SLC6A2: variants seen among roughly 807,000 people sequenced by gnomAD.
SLC6A2 encodes the protein sodium-dependent noradrenaline transporter.
In SLC6A2, 26 loss-of-function variants were observed where a neutral mutation model predicts 71.7. The observed-to-expected ratio is 0.36, with a 90% CI of 0.27 to 0.50. The LOEUF is 0.50. Ranked by LOEUF, SLC6A2 falls within the 20% of genes least tolerant of loss-of-function variation. The pLI is 0.96. For synonymous variants in SLC6A2, 363 were observed against 337.9 expected, an observed-to-expected ratio of 1.07 and a Z score of -0.82; for missense variants, 581 against 803.9, an observed-to-expected ratio of 0.72 and a Z score of 3.35.
chr16:55,658,921 G>A (rs1449392965), intron 2 of SLC6A2, among the ~76,000 whole-genome samples: 1 of 152,188 alleles, frequency 6.6e-6, no homozygotes, highest in Non-Finnish European at 1.5e-5. Flanking sequence ...TTACTGGGCA[G>A]GTTTAAGCAT....
At chr16:55,663,880 G>A (rs1176227118) in intron 2 of SLC6A2, among the ~76,000 whole-genome samples, 1 of 152,038 alleles carries the variant, frequency 6.6e-6, no homozygotes, top group Non-Finnish European at 1.5e-5. Flanking sequence ...TTCTAATTGT[G>A]AGTCATAAAA....
rs1207318458 is a variant in SLC6A2, at chr16:55,656,804, A to G, written c.110A>G (p.Lys37Arg). The change falls in exon 2 of 15, where the codon AAG becomes AGG. Residue 37 changes from lysine (K) to arginine (R), a missense_variant. Lys to Arg is a conservative substitution (Grantham distance 26, BLOSUM62 2). This residue lies in a region of SLC6A2 where 76 missense variants were observed against 79.9 expected (regional missense o/e 0.95). Transcript: ENST00000568943. This position sits in a 1 kb window ranked among gnomAD's most constrained non-coding sequence, Gnocchi z 4.5. Reference sequence around the variant, plus strand: ...AAAACTGCGGAGCTGCTGGTGGTGAAGGAGCGCAACGGCGTCCAGTGCCTG... The same window carrying G: ...AAAACTGCGGAGCTGCTGGTGGTGAGGGAGCGCAACGGCGTCCAGTGCCTG... ...ARKTAELLVVKERNGVQCLLA... is the reference protein window; with the variant it reads ...ARKTAELLVVRERNGVQCLLA... 6.2e-7 allele frequency: 1 copy of G among 1,613,318 alleles called. No individual in the cohort carries two copies. Among genetic ancestry groups the G allele is most frequent in the Admixed American group, 1.7e-5 (1 of 59,982 alleles).
At chr16:55,692,310 G>C (rs1450578642) in intron 6 of SLC6A2, among the ~76,000 whole-genome samples, 1 of 152,140 alleles carries the variant, frequency 6.6e-6, no homozygotes, top group African/African-American at 2.4e-5. Context: ...TACTCTTTTT[G>C]AGGAGAGAAA....
Position 55,674,817 on chromosome 16 carries a change from G to A in SLC6A2, c.644+2642G>A, listed in dbSNP as rs533703835. Among the ~76,000 whole-genome samples the A allele has an allele frequency of 5.2e-4, 79 of 152,276 alleles. 2 individuals carry two copies. Among genetic ancestry groups the A allele is most frequent in the African/African-American group, 1.6e-3 (65 of 41,556 alleles). On this transcript the variant is annotated intron_variant, in intron 4 of 14. Transcript: ENST00000568943. ...GAGTAGGGCTGCAATGAACATCCACGCGCAGGTGTCTTTTTGGTAGAATGA... is the reference window on the plus strand; with the variant it reads ...GAGTAGGGCTGCAATGAACATCCACACGCAGGTGTCTTTTTGGTAGAATGA...
At chr16:55,687,348 G>T (rs1388963520) in intron 5 of SLC6A2, among the ~76,000 whole-genome samples, 2 of 152,238 alleles carry the variant, frequency 1.3e-5, no homozygotes, top group Non-Finnish European at 2.9e-5. Flanking sequence ...CTTAGCCTGA[G>T]TTGTGGTCAA....
chr16:55,683,337 C>T (rs1274628522), intron 4 of SLC6A2, among the ~76,000 whole-genome samples: 1 of 152,116 alleles, frequency 6.6e-6, no homozygotes, highest in African/African-American at 2.4e-5. Context: ...CCAGGCCTGG[C>T]GCAGTGGCTC....
intron 6 of SLC6A2, among the ~76,000 whole-genome samples, chr16:55,692,452 T>C (rs1965664539): frequency 6.6e-6 from 1 of 152,196 alleles, no homozygotes; most frequent in African/African-American, 2.4e-5. Context: ...GCCACCATCC[T>C]GTGATGTCAG....
chr16:55,702,237 C>T, intron 14 of SLC6A2, 86 bp from the exon 15 acceptor site: 2 of 1,327,242 alleles, frequency 1.5e-6, no homozygotes, highest in Non-Finnish European at 2.2e-6. Flanking sequence ...TCTGCCTTCT[C>T]TCTACCTCCT....
chr16:55,702,736 G>C lies in SLC6A2; in HGVS notation c.*390G>C. 2 of 914,574 alleles carry C rather than the reference G, an allele frequency of 2.2e-6. No homozygotes were observed. The highest frequency in any genetic ancestry group is 1.2e-4 in the East Asian group (1 of 8,552). 56.7% of individuals were successfully genotyped at this position (914,574 alleles called of 1,614,324 possible). On this transcript the variant is annotated 3_prime_UTR_variant, in exon 15 of 15. Coordinates refer to ENST00000568943, the MANE Select transcript of SLC6A2 (RefSeq NM_001172501.3). ...CAGAGAGAGGATGGGCTTTTGATCA[G>C]ATACCCCTCCCAAAAAAAAAAAAAA...
rs372433120 is a variant in SLC6A2, at chr16:55,669,545, T to C, written c.275-20T>C. On this transcript the variant is annotated intron_variant, in intron 2 of 14. Transcript: ENST00000568943. ...GGGGCAGGGGTCTGTCAGGTCACAC[T>C]CTGCCCCTGTGTCCTCCAGGTGCCT... The C allele has an allele frequency of 1.9e-5, 31 of 1,613,426 alleles. No individual in the cohort carries two copies. Among genetic ancestry groups the C allele is most frequent in the Non-Finnish European group, 2.5e-5 (29 of 1,179,668 alleles).
chr16:55,701,318 A>G (rs1409857612), intron 13 of SLC6A2, among the ~76,000 whole-genome samples: 1 of 152,150 alleles, frequency 6.6e-6, no homozygotes, highest in Non-Finnish European at 1.5e-5. Context: ...CAGTGACCTC[A>G]TTCTAGACAT....
intron 3 of SLC6A2, among the ~76,000 whole-genome samples, chr16:55,669,954 T>C (rs1201723518): frequency 6.6e-6 from 1 of 152,186 alleles, no homozygotes; most frequent in Non-Finnish European, 1.5e-5. Flanking sequence ...ATCTATTTCC[T>C]GTATGGGAAA....
At chr16:55,695,187 G>C in intron 7 of SLC6A2, 91 bp from the exon 8 acceptor site, 1 of 1,510,032 alleles carries the variant, frequency 6.6e-7, no homozygotes, top group Non-Finnish European at 9.2e-7. Flanking sequence ...TGAGGCTGGG[G>C]CCAGGCTGCA....
intron 4 of SLC6A2, among the ~76,000 whole-genome samples, chr16:55,683,899 T>A (rs1176624212): frequency 6.6e-6 from 1 of 152,114 alleles, no homozygotes; most frequent in Admixed American, 6.6e-5. Flanking sequence ...TGCCTGTTGT[T>A]GAATTTTATA....
intron 11 of SLC6A2, among the ~76,000 whole-genome samples, chr16:55,698,840 G>A (rs1185055201): frequency 6.6e-6 from 1 of 152,196 alleles, no homozygotes; most frequent in Non-Finnish European, 1.5e-5. Flanking sequence ...CTACCAGGGG[G>A]TTGTCAGATT....
At chr16:55,693,837 G>T (rs1567453454) in intron 6 of SLC6A2, among the ~76,000 whole-genome samples, 173 bp from the exon 7 acceptor site, 1 of 152,250 alleles carries the variant, frequency 6.6e-6, no homozygotes, top group African/African-American at 2.4e-5. Flanking sequence ...TCTCTCTGCA[G>T]TTGTTTTGTA....
At position 55,704,720 on chromosome 16, in the gene SLC6A2, C is replaced by T. The variant is rs1966066265; in HGVS notation, c.*2374C>T. ...GAGCCTGCCATTTCCTCTTTGCCATCTGCATGTGGCCCCTTCTGCCTCCAG... is the reference window on the plus strand; with the variant it reads ...GAGCCTGCCATTTCCTCTTTGCCATTTGCATGTGGCCCCTTCTGCCTCCAG... On this transcript the variant is annotated 3_prime_UTR_variant, in exon 15 of 15. Transcript: ENST00000568943. 2 of 152,846 alleles carry T rather than the reference C, an allele frequency of 1.3e-5. No homozygotes were observed. Among genetic ancestry groups the T allele is most frequent in the South Asian group, 4.1e-4 (2 of 4,850 alleles). 9.5% of individuals were successfully genotyped at this position (152,846 alleles called of 1,614,324 possible). A position where few individuals can be genotyped will look rare whatever the true frequency, so the allele number is the denominator to read the frequency against.
chr16:55,682,671 G>A (rs1356563583), intron 4 of SLC6A2, among the ~76,000 whole-genome samples: 1 of 152,188 alleles, frequency 6.6e-6, no homozygotes, highest in Non-Finnish European at 1.5e-5. Context: ...CCTTGCAACT[G>A]AGTCAAGAGC....
intron 4 of SLC6A2, 74 bp from the exon 5 acceptor site, chr16:55,685,069 T>C: frequency 6.9e-7 from 1 of 1,448,422 alleles, no homozygotes; most frequent in Non-Finnish European, 9.7e-7. Flanking sequence ...TTGCAGGGAC[T>C]GGTCTGTGGT....
Sources: gnomAD v4.1 joint callset for allele counts (sites outside exome capture counted in the v4.1 genomes callset) on GRCh38, gnomAD v4.1.1 for gene constraint, gnomAD v4.1.1 regional missense constraint, Gnocchi (gnomAD v3.1) non-coding constraint, MANE v1.5 for transcripts, NCBI Gene and HGNC (gene_info 2026-07-23, HGNC 2026-07-21) for gene names.